Variants in USH2A observed in about 807,000 individuals in gnomAD.
USH2A encodes the protein Usher syndrome 2A (autosomal recessive, mild).
Under a neutral mutation model 538.9 loss-of-function variants are expected in USH2A, and 443 were observed. The observed-to-expected ratio is 0.82, with a 90% CI of 0.76 to 0.89. The LOEUF is 0.89. USH2A is among the 40% of genes least tolerant of loss of function. The probability of loss-of-function intolerance (pLI) is 0.00; values close to 1 mark genes in which losing one functional copy is unlikely to be tolerated. For synonymous variants in USH2A, 2,413 were observed against 2,273.5 expected, an observed-to-expected ratio of 1.06 and a Z score of -1.75; for missense variants, 6,633 against 6,324.8, an observed-to-expected ratio of 1.05 and a Z score of -1.65.
At chr1:216,061,302 A>G (rs1400463014) in intron 30 of USH2A, among the ~76,000 whole-genome samples, 3 of 152,112 alleles carry the variant, frequency 2.0e-5, no homozygotes, top group Non-Finnish European at 2.9e-5. Context: ...GCTTTTTGTA[A>G]GTCTGAACAT....
chr1:216,352,524 A>C (rs936959581), intron 4 of USH2A, among the ~76,000 whole-genome samples: 1 of 152,168 alleles, frequency 6.6e-6, no homozygotes, highest in African/African-American at 2.4e-5. Flanking sequence ...GTGGAATTTG[A>C]AAAGAGGAAT....
chr1:215,799,856 C>G (rs758002216), intron 49 of USH2A, among the ~76,000 whole-genome samples: 62 of 152,008 alleles, frequency 4.1e-4, no homozygotes, highest in Non-Finnish European at 7.8e-4. Flanking sequence ...CTTGGTGGTG[C>G]ATGCCTGTAG....
intron 47 of USH2A, 144 bp from the exon 48 acceptor site, chr1:215,817,339 A>G: frequency 2.4e-6 from 1 of 416,102 alleles, no homozygotes; most frequent in Non-Finnish European, 3.6e-6. Flanking sequence ...ATATTTTCAA[A>G]TCAATCAAAA....
At chr1:215,857,062 G>A (rs11120673) in intron 44 of USH2A, among the ~76,000 whole-genome samples, 56,657 of 151,836 alleles carry the variant, frequency 0.37, 11,027 homozygotes, top group Admixed American at 0.51. Context: ...TTGGGCACTC[G>A]GGGGAGTGGG....
chr1:216,014,955 CTTAT>C (rs1668670424), intron 32 of USH2A, among the ~76,000 whole-genome samples: 1 of 152,160 alleles, frequency 6.6e-6, no homozygotes, highest in African/African-American at 2.4e-5. Context: ...TTTATATCTT[CTTAT>C]TTGTTTCTAC....
In USH2A at chr1:215,971,517, A is replaced by C. The variant is rs188422519; in HGVS notation, c.6806-741T>G. 2.0e-3 allele frequency among the ~76,000 whole-genome samples: 311 copies of C among 152,262 alleles called. 2 individuals are homozygous for C. The highest frequency in any genetic ancestry group is 5.1e-3 in the African/African-American group (212 of 41,558). On this transcript the variant is annotated intron_variant, in intron 35 of 71. Coordinates refer to ENST00000307340, the MANE Select transcript of USH2A (RefSeq NM_206933.4). ...ATACCTGTAATCCCAACACTTTGGG[A>C]GGCCAAAGCAGAAGGACCACTTGAG...
intron 13 of USH2A, among the ~76,000 whole-genome samples, chr1:216,236,667 A>G (rs926061601): frequency 3.3e-5 from 5 of 152,170 alleles, no homozygotes; most frequent in African/African-American, 1.2e-4. Context: ...GTGGTTGGTC[A>G]GAGTGGCCTG....
intron 21 of USH2A, among the ~76,000 whole-genome samples, chr1:216,102,868 C>A (rs1215547247): frequency 6.6e-6 from 1 of 152,172 alleles, no homozygotes; most frequent in Non-Finnish European, 1.5e-5. Flanking sequence ...CGTTCTACTC[C>A]TGGATCTACA....
chr1:216,119,747 C>A (rs2033088138), intron 21 of USH2A, among the ~76,000 whole-genome samples: 1 of 152,114 alleles, frequency 6.6e-6, no homozygotes, highest in Non-Finnish European at 1.5e-5. Context: ...GTTAGCAAAT[C>A]TATTGGTCCC....
intron 13 of USH2A, among the ~76,000 whole-genome samples, chr1:216,234,078 A>C (rs1383589056): frequency 1.3e-5 from 2 of 152,236 alleles, no homozygotes; most frequent in Non-Finnish European, 2.9e-5. Flanking sequence ...TGATATTGAA[A>C]GAAGGAGAGC....
chr1:215,854,457 A>T (rs971487250), intron 44 of USH2A, among the ~76,000 whole-genome samples: 2 of 152,164 alleles, frequency 1.3e-5, no homozygotes, highest in South Asian at 2.1e-4. Context: ...CACCACTTTT[A>T]TTCAACATAC....
chr1:216,414,554 T>C (rs575458329), intron 3 of USH2A, among the ~76,000 whole-genome samples: 151 of 152,232 alleles, frequency 9.9e-4, no homozygotes, highest in African/African-American at 3.5e-3. Flanking sequence ...CTGATTTTAC[T>C]GATGGAAAGC....
rs1657934116 is a variant in USH2A, at chr1:215,674,540, T to C, written c.13371A>G (p.Ser4457=). The change falls in exon 63 of 72, where the codon TCA becomes TCG. Residue 4457 remains serine (S), a synonymous_variant. Transcript: ENST00000307340. ...GTTTCCAGGTGATTTCTATTGATTC[T>C]GAGCCTGTGACTTGCAATGTTGGAG... ...MDSPTLQVTG[S]ESIEITWKPP... 3 of 1,614,178 alleles carry C rather than the reference T, an allele frequency of 1.9e-6. No homozygotes were observed. Among genetic ancestry groups the C allele is most frequent in the African/African-American group, 1.3e-5 (1 of 75,048 alleles).
intron 61 of USH2A, among the ~76,000 whole-genome samples, chr1:215,694,521 C>A (rs1007410172): frequency 2.0e-5 from 3 of 152,146 alleles, no homozygotes; most frequent in African/African-American, 7.2e-5. Context: ...TACGGTTAGC[C>A]GAGATCACGC....
At chr1:216,371,358 A>G (rs887409759) in intron 3 of USH2A, among the ~76,000 whole-genome samples, 6 of 152,202 alleles carry the variant, frequency 3.9e-5, no homozygotes, top group Non-Finnish European at 2.9e-5. Flanking sequence ...GTGGCTCCAG[A>G]AATACTACAA....
chr1:216,369,372 T>C (rs76929621), intron 3 of USH2A, among the ~76,000 whole-genome samples: 2,740 of 152,214 alleles, frequency 0.018, 84 homozygotes, highest in African/African-American at 0.06. Flanking sequence ...TCTGAGATTT[T>C]TCCTCACTCA....
At chr1:215,773,815 G>A (rs1661375493) in intron 55 of USH2A, among the ~76,000 whole-genome samples, 1 of 152,138 alleles carries the variant, frequency 6.6e-6, no homozygotes, top group Admixed American at 6.5e-5. Context: ...GATGGATAGA[G>A]CCATATCAGC....
intron 38 of USH2A, among the ~76,000 whole-genome samples, chr1:215,933,456 T>C (rs1407419826): frequency 6.6e-6 from 1 of 152,156 alleles, no homozygotes; most frequent in East Asian, 1.9e-4. Flanking sequence ...TATGCATTCT[T>C]TTCTTAAGTA....
chr1:216,307,466 T>C (rs1002547335), intron 9 of USH2A, among the ~76,000 whole-genome samples: 1 of 152,152 alleles, frequency 6.6e-6, no homozygotes, highest in Non-Finnish European at 1.5e-5. Context: ...TGAACAGGGC[T>C]GAGGACTTGC....
Sources: allele counts gnomAD v4.1 joint callset (sites outside exome capture counted in the v4.1 genomes callset), GRCh38; gene constraint gnomAD v4.1.1; transcripts MANE v1.5; gene names NCBI Gene and HGNC (gene_info 2026-07-23, HGNC 2026-07-21).